The following GPC6 variants were observed in gnomAD, a reference collection of about 807,000 sequenced individuals.
GPC6 encodes glypican-6.
A neutral mutation model predicts 55.2 loss-of-function variants in GPC6; 14 were observed. The ratio of observed to expected loss-of-function variants is 0.25; its 90% CI spans 0.17 to 0.40. GPC6 has a LOEUF of 0.40. Among genes scored for constraint, GPC6 ranks in the 10% least tolerant of loss-of-function variants. The probability of loss-of-function intolerance (pLI) is 1.00; values close to 1 mark genes in which losing one functional copy is unlikely to be tolerated. For synonymous variants in GPC6, 278 were observed against 259.6 expected (o/e 1.07, Z -0.68); for missense variants, 641 against 708.5 (o/e 0.90, Z 1.08).
intron 2 of GPC6, among the ~76,000 whole-genome samples, chr13:93,655,357 A>C (rs1880616814): frequency 6.6e-6 from 1 of 152,128 alleles, no homozygotes; most frequent in Non-Finnish European, 1.5e-5. Context: ...AGGATCCAAC[A>C]AGGATAAAAA....
intron 3 of GPC6, among the ~76,000 whole-genome samples, chr13:93,948,570 G>A (rs1279928239): frequency 6.6e-6 from 1 of 152,160 alleles, no homozygotes; most frequent in Non-Finnish European, 1.5e-5. Context: ...CTGATACAAA[G>A]TATGTTTTAT....
intron 1 of GPC6, among the ~76,000 whole-genome samples, chr13:93,506,416 A>T (rs887543481): frequency 6.6e-6 from 1 of 152,196 alleles, no homozygotes; most frequent in African/African-American, 2.4e-5. Context: ...AGCTATTAGG[A>T]TATTACTCAA....
intron 1 of GPC6, among the ~76,000 whole-genome samples, chr13:93,465,481 C>T (rs1160220292): frequency 6.6e-6 from 1 of 152,172 alleles, no homozygotes; most frequent in Non-Finnish European, 1.5e-5. Flanking sequence ...ATGGAGAAAG[C>T]GTCTTTGCTT....
chr13:93,500,191 G>GA (rs1273490778), intron 1 of GPC6, among the ~76,000 whole-genome samples: 1 of 152,230 alleles, frequency 6.6e-6, no homozygotes, highest in Non-Finnish European at 1.5e-5. Flanking sequence ...GAGCTACAGG[G>GA]AGGGAAGGCA....
intron 4 of GPC6, among the ~76,000 whole-genome samples, chr13:94,213,079 C>T (rs1314497213): frequency 1.3e-5 from 2 of 152,084 alleles, no homozygotes; most frequent in Non-Finnish European, 2.9e-5. Context: ...TCACTTGAAC[C>T]CGGGAGGCAG....
chr13:93,887,302 A>G (rs1477879781), intron 3 of GPC6, among the ~76,000 whole-genome samples: 1 of 152,128 alleles, frequency 6.6e-6, no homozygotes. Context: ...AAATATAGTC[A>G]AGAGTGATCT....
chr13:94,178,318 GTCC>G (rs1186161742), intron 4 of GPC6, among the ~76,000 whole-genome samples: 1 of 151,912 alleles, frequency 6.6e-6, no homozygotes, highest in Non-Finnish European at 1.5e-5. Context: ...ATTTTATCTT[GTCC>G]TCCTATCTCT....
In GPC6 at chr13:93,583,338, T is replaced by TTG. The variant is rs34034260; in HGVS notation, c.319+37932_319+37933dup. ...GAATTTGTTTTAAAAGTAATGCACA[T>TTG]TGTGTGTGTGTGTGTGCGCGCGCGC... On this transcript the variant is annotated intron_variant, in intron 2 of 8. Coordinates refer to ENST00000377047, the MANE Select transcript of GPC6 (RefSeq NM_005708.5). Among the ~76,000 whole-genome samples, 1,191 of 151,564 alleles carry TTG rather than the reference T, an allele frequency of 7.9e-3. 10 individuals carry two copies. Among genetic ancestry groups the TTG allele is most frequent in the African/African-American group, 0.02 (817 of 41,304 alleles).
chr13:93,318,963 T>C (rs1380691916), intron 1 of GPC6, among the ~76,000 whole-genome samples: 1 of 152,142 alleles, frequency 6.6e-6, no homozygotes, highest in Admixed American at 6.6e-5. Context: ...TATGGAGACA[T>C]TGAACTTAGA....
At chr13:94,186,318 A>C (rs1447925873) in intron 4 of GPC6, among the ~76,000 whole-genome samples, 1 of 152,180 alleles carries the variant, frequency 6.6e-6, no homozygotes, top group Non-Finnish European at 1.5e-5. Context: ...TTCTGCCTTT[A>C]GCTTTTGAAA....
At position 93,965,335 on chromosome 13, in the gene GPC6, C is replaced by T. The variant is rs1414639270; in HGVS notation, c.712-62394C>T. ...CTGAGGCAGGAGAATGGCATGAACC[C>T]GGGAGGTGGAGCTTTCAGTGAGCCG... On this transcript the variant is annotated intron_variant, in intron 3 of 8. Transcript: ENST00000377047. Among the ~76,000 whole-genome samples the T allele has an allele frequency of 5.3e-5, 8 of 151,804 alleles. No homozygotes were observed. The East Asian group carries it at 9.7e-4, about 18-fold the overall frequency.
At chr13:93,626,343 C>T (rs1021763923) in intron 2 of GPC6, among the ~76,000 whole-genome samples, 39 of 152,200 alleles carry the variant, frequency 2.6e-4, no homozygotes, top group African/African-American at 8.7e-4. Context: ...GCCATGTGTT[C>T]CTGCACAAGG....
At chr13:93,443,224 A>C (rs1038683777) in intron 1 of GPC6, among the ~76,000 whole-genome samples, 3 of 152,218 alleles carry the variant, frequency 2.0e-5, no homozygotes, top group African/African-American at 7.2e-5. Context: ...GGATTTTATC[A>C]GATGTTCAGA....
intron 3 of GPC6, among the ~76,000 whole-genome samples, chr13:93,930,139 C>G (rs1878084199): frequency 6.6e-6 from 1 of 152,072 alleles, no homozygotes; most frequent in African/African-American, 2.4e-5. Context: ...TTCCTAGGGA[C>G]TGGAGCATTG....
chr13:94,260,992 C>T (rs1337208330), intron 4 of GPC6, among the ~76,000 whole-genome samples: 7 of 151,898 alleles, frequency 4.6e-5, no homozygotes, highest in South Asian at 2.1e-4. Context: ...AAGGAAAAGG[C>T]GCCGGGCACA....
At chr13:93,985,827 G>T (rs546201411) in intron 3 of GPC6, among the ~76,000 whole-genome samples, 6 of 151,826 alleles carry the variant, frequency 4.0e-5, no homozygotes, top group Admixed American at 6.6e-5. Flanking sequence ...ATAGAAATAT[G>T]GTCTCTATTC....
intron 1 of GPC6, among the ~76,000 whole-genome samples, chr13:93,376,887 G>T (rs202132312): frequency 6.6e-6 from 1 of 150,414 alleles, no homozygotes; most frequent in Non-Finnish European, 1.5e-5. Flanking sequence ...ATTATTTTCT[G>T]CTTCATTCGT....
chr13:93,532,447 A>G (rs1881904531), intron 1 of GPC6, among the ~76,000 whole-genome samples: 4 of 152,232 alleles, frequency 2.6e-5, no homozygotes, highest in African/African-American at 7.2e-5. Context: ...TAAATTGTAT[A>G]TATAGTTAAA....
chr13:93,975,216 T>G (rs149527900), intron 3 of GPC6, among the ~76,000 whole-genome samples: 279 of 152,302 alleles, frequency 1.8e-3, no homozygotes, highest in African/African-American at 6.5e-3. Context: ...AAAAGGTAAC[T>G]GATACAAAAA....
Sources: allele counts gnomAD v4.1 joint callset (sites outside exome capture counted in the v4.1 genomes callset), GRCh38; gene constraint gnomAD v4.1.1; transcripts MANE v1.5; gene names NCBI Gene and HGNC (gene_info 2026-07-23, HGNC 2026-07-21).